The following KCNK10 variants were observed in gnomAD, a reference collection of about 807,000 sequenced individuals.
The protein encoded by KCNK10 is potassium channel subfamily K member 10.
A neutral mutation model predicts 47.7 loss-of-function variants in KCNK10; 25 were observed. The ratio of observed to expected loss-of-function variants is 0.52; its 90% CI spans 0.38 to 0.73. The LOEUF is 0.73. Among genes scored for constraint, KCNK10 ranks in the 30% least tolerant of loss-of-function variants. The pLI is 0.00. For missense variants in KCNK10, 563 were observed against 714.5 expected, an observed-to-expected ratio of 0.79 and a Z score of 2.42; for synonymous variants, 303 against 285.6, an observed-to-expected ratio of 1.06 and a Z score of -0.61.
chr14:88,325,527 A>T (rs1430836382), upstream of KCNK10, among the ~76,000 whole-genome samples: 1 of 152,198 alleles, frequency 6.6e-6, no homozygotes, highest in African/African-American at 2.4e-5. Flanking sequence ...TCACGATATG[A>T]GGATTCAAAC....
In KCNK10 at chr14:88,322,628, G is replaced by C. The variant is rs1283107447; in HGVS notation, c.52+119C>G. On this transcript the variant is annotated intron_variant, in intron 1 of 6. Coordinates refer to ENST00000319231, the MANE Select transcript of KCNK10 (RefSeq NM_138317.3). This position sits in a 1 kb window ranked among gnomAD's most constrained non-coding sequence, Gnocchi z 4.8. The stretch of plus-strand genomic sequence containing the variant: ...CTCCCACCCGCGCTGCAGTTCCCAG[G>C]CGCATTTCCCAGCCTCAGGACACAC... 6.5e-6 allele frequency: 9 copies of C among 1,392,580 alleles called. No individual in the cohort carries two copies. In the South Asian group the frequency reaches 8.4e-5, roughly 13 times the overall value. 86.3% of individuals were successfully genotyped at this position (1,392,580 alleles called of 1,614,324 possible).
In KCNK10 at chr14:88,260,407, T is replaced by C. The variant is rs530735740; in HGVS notation, c.402+2795A>G. Reference sequence around the variant, plus strand: ...CCTGCACAGCCTGCGGAACTGTGAATCAATTAAACCTCTTTTCTTTATAAA... The same window carrying C: ...CCTGCACAGCCTGCGGAACTGTGAACCAATTAAACCTCTTTTCTTTATAAA... On this transcript the variant is annotated intron_variant, in intron 2 of 6. Transcript: ENST00000319231. This position sits in a 1 kb window ranked among gnomAD's most constrained non-coding sequence, Gnocchi z 4.5. Among the ~76,000 whole-genome samples, 202 of 152,350 alleles carry C rather than the reference T, an allele frequency of 1.3e-3. No homozygotes were observed. Among genetic ancestry groups the C allele is most frequent in the Non-Finnish European group, 1.9e-3 (127 of 68,026 alleles).
chr14:88,312,793 A>C (rs1888354806), intron 1 of KCNK10, among the ~76,000 whole-genome samples: 1 of 152,232 alleles, frequency 6.6e-6, no homozygotes, highest in African/African-American at 2.4e-5. Flanking sequence ...AGACACTTCC[A>C]GTATTTGAAT....
intron 1 of KCNK10, among the ~76,000 whole-genome samples, chr14:88,307,032 C>T (rs992849057): frequency 6.6e-6 from 1 of 152,272 alleles, no homozygotes; most frequent in East Asian, 1.9e-4. Flanking sequence ...ACACCCATCT[C>T]TATAGAAATG....
intron 3 of KCNK10, among the ~76,000 whole-genome samples, chr14:88,234,585 T>C (rs1886246021): frequency 6.6e-6 from 1 of 152,166 alleles, no homozygotes; most frequent in South Asian, 2.1e-4. Flanking sequence ...ATAGCTGGGC[T>C]TCAGAGAGCA....
In KCNK10 at chr14:88,240,725, A is replaced by G; in HGVS notation, c.498T>C (p.Ala166=). The change falls in exon 3 of 7, where the codon GCT becomes GCC. Residue 166 remains alanine (A), a synonymous_variant. Transcript: ENST00000319231. ...HWDLGSAFFF[A]GTVITTIGYG... ...TACCTATGGTCGTAATGACAGTTCC[A>G]GCAAAGAAAAAGGCACTGCCGAGGT... The G allele has an allele frequency of 1.9e-6, 3 of 1,612,550 alleles. No individual in the cohort carries two copies. Among genetic ancestry groups the G allele is most frequent in the Non-Finnish European group, 2.5e-6 (3 of 1,178,532 alleles).
intron 2 of KCNK10, among the ~76,000 whole-genome samples, chr14:88,256,440 C>T (rs950356132): frequency 9.2e-5 from 14 of 152,032 alleles, no homozygotes; most frequent in African/African-American, 2.7e-4. Flanking sequence ...TCAGTGGAGC[C>T]GGCCCTAGTG....
chr14:88,305,658 T>C (rs1419501129), intron 1 of KCNK10, among the ~76,000 whole-genome samples: 1 of 152,214 alleles, frequency 6.6e-6, no homozygotes, highest in Non-Finnish European at 1.5e-5. Flanking sequence ...CTTTACCATA[T>C]GTCTTCATTT....
At chr14:88,203,367 A>G (rs1885164935) in intron 4 of KCNK10, among the ~76,000 whole-genome samples, 1 of 152,146 alleles carries the variant, frequency 6.6e-6, no homozygotes, top group Non-Finnish European at 1.5e-5. Flanking sequence ...TAAATTAGCC[A>G]TAGTTTCTCT....
intron 2 of KCNK10, among the ~76,000 whole-genome samples, chr14:88,261,304 C>T (rs1263235512): frequency 1.3e-5 from 2 of 152,098 alleles, no homozygotes; most frequent in African/African-American, 4.8e-5. Context: ...AGGATCCTAC[C>T]TCATATCACA....
At chr14:88,235,752 T>A (rs1886282553) in intron 3 of KCNK10, among the ~76,000 whole-genome samples, 1 of 152,108 alleles carries the variant, frequency 6.6e-6, no homozygotes. Context: ...GAAGTTACAA[T>A]ATATGTATAG....
intron 2 of KCNK10, among the ~76,000 whole-genome samples, chr14:88,255,350 A>G (rs147711346): frequency 6.6e-6 from 1 of 152,196 alleles, no homozygotes; most frequent in East Asian, 1.9e-4. Context: ...TGGACAAGTT[A>G]TTTAACTTCT....
chr14:88,326,660 T>C (rs1360900837), upstream of KCNK10: 3 of 583,666 alleles, frequency 5.1e-6, no homozygotes, highest in Admixed American at 3.2e-5. Context: ...GCGTCCTGGG[T>C]GCACTCGGTG....
intron 2 of KCNK10, among the ~76,000 whole-genome samples, chr14:88,252,889 C>T (rs1321030163): frequency 6.6e-6 from 1 of 152,168 alleles, no homozygotes; most frequent in Non-Finnish European, 1.5e-5. Flanking sequence ...AAGGAGCCTG[C>T]TCATCATGTT....
In KCNK10 at chr14:88,210,451, C is replaced by G. The variant is rs140940826; in HGVS notation, c.681+16924G>C. On this transcript the variant is annotated intron_variant, in intron 4 of 6. Transcript: ENST00000319231. ...CCTAGCGAGGAGCATGAAGGAACAG[C>G]CACAGTGAAGAACAGAAAAGTGAAT... 5.7e-3 allele frequency among the ~76,000 whole-genome samples: 875 copies of G among 152,282 alleles called. 8 individuals carry two copies. Among genetic ancestry groups the G allele is most frequent in the African/African-American group, 0.019 (801 of 41,542 alleles).
intron 3 of KCNK10, among the ~76,000 whole-genome samples, chr14:88,237,041 C>A (rs1056214477): frequency 6.6e-6 from 1 of 152,192 alleles, no homozygotes; most frequent in Non-Finnish European, 1.5e-5. Context: ...ATTTTACCTA[C>A]AGTAGAACTT....
At chr14:88,231,590 T>G (rs756901250) in intron 3 of KCNK10, among the ~76,000 whole-genome samples, 1 of 152,190 alleles carries the variant, frequency 6.6e-6, no homozygotes, top group African/African-American at 2.4e-5. Flanking sequence ...GAAGTGAGCA[T>G]CATTCATCCA....
chr14:88,243,567 T>C (rs1341560594), intron 2 of KCNK10, among the ~76,000 whole-genome samples: 1 of 152,216 alleles, frequency 6.6e-6, no homozygotes. Context: ...CGAGAGATCA[T>C]TTCTAATTAG....
chr14:88,215,065 A>G (rs1334885221), intron 4 of KCNK10, among the ~76,000 whole-genome samples: 1 of 151,936 alleles, frequency 6.6e-6, no homozygotes, highest in African/African-American at 2.4e-5. Context: ...AGCATTCCAA[A>G]CTCATATAAT....
Sources: gnomAD v4.1 joint callset for allele counts (sites outside exome capture counted in the v4.1 genomes callset) on GRCh38, gnomAD v4.1.1 for gene constraint, Gnocchi (gnomAD v3.1) non-coding constraint, MANE v1.5 for transcripts, NCBI Gene and HGNC (gene_info 2026-07-23, HGNC 2026-07-21) for gene names.